GNA14: variants seen among roughly 807,000 people sequenced by gnomAD.
The protein encoded by GNA14 is guanine nucleotide-binding protein subunit alpha-14.
In GNA14, 50 loss-of-function variants were observed where a neutral mutation model predicts 42.0. That is an observed-to-expected ratio of 1.19 (90% confidence interval 0.95 to 1.51). The LOEUF is 1.51. GNA14 is among the 40% of genes most tolerant of loss of function. The probability of loss-of-function intolerance (pLI) is 0.00; values close to 1 mark genes in which losing one functional copy is unlikely to be tolerated. For synonymous variants in GNA14, 173 were observed against 163.1 expected (o/e 1.06, Z -0.46); for missense variants, 473 against 446.2 (o/e 1.06, Z -0.54).
intron 1 of GNA14, among the ~76,000 whole-genome samples, chr9:77,634,850 A>C (rs143755394): frequency 4.1e-4 from 62 of 152,338 alleles, no homozygotes; most frequent in African/African-American, 1.5e-3. Flanking sequence ...TTCTGCACTT[A>C]GCATTGTGGG....
At chr9:77,530,282 T>TAAAAGTGTA (rs1465287064) in intron 1 of GNA14, among the ~76,000 whole-genome samples, 1 of 152,122 alleles carries the variant, frequency 6.6e-6, no homozygotes, top group African/African-American at 2.4e-5. Context: ...TCTGGTTGTT[T>TAAAAGTGTA]AAAAGTGTAT....
intron 2 of GNA14, among the ~76,000 whole-genome samples, chr9:77,514,067 A>G (rs1837211617): frequency 6.6e-6 from 1 of 152,144 alleles, no homozygotes; most frequent in Non-Finnish European, 1.5e-5. Flanking sequence ...AGCTCAACAA[A>G]CACATCCCAA....
chr9:77,634,000 G>T (rs1307338567), intron 1 of GNA14, among the ~76,000 whole-genome samples: 2 of 152,124 alleles, frequency 1.3e-5, no homozygotes, highest in Admixed American at 1.3e-4. Context: ...AATAAAAAAA[G>T]ACTCGATTCT....
At chr9:77,436,252 C>T (rs929182693) in intron 2 of GNA14, among the ~76,000 whole-genome samples, 8 of 152,070 alleles carry the variant, frequency 5.3e-5, no homozygotes, top group Non-Finnish European at 7.4e-5. Context: ...CTGGAAAGTG[C>T]GCTGGCCTGG....
chr9:77,469,604 G>C (rs374752529), intron 2 of GNA14, among the ~76,000 whole-genome samples: 1 of 151,208 alleles, frequency 6.6e-6, no homozygotes, highest in Non-Finnish European at 1.5e-5. Flanking sequence ...TAACTTCCCA[G>C]AAGTTCTTAA....
At chr9:77,525,695 C>T (rs908479225) in intron 2 of GNA14, among the ~76,000 whole-genome samples, 2 of 151,808 alleles carry the variant, frequency 1.3e-5, no homozygotes, top group Admixed American at 6.6e-5. Context: ...CCCGCCAACA[C>T]GCCCGGCTAA....
At chr9:77,550,997 G>A (rs951372771) in intron 1 of GNA14, among the ~76,000 whole-genome samples, 1 of 152,148 alleles carries the variant, frequency 6.6e-6, no homozygotes, top group African/African-American at 2.4e-5. Flanking sequence ...TGATTTTCCT[G>A]ATGAGGAATA....
intron 1 of GNA14, among the ~76,000 whole-genome samples, chr9:77,569,986 C>T (rs575727722): frequency 3.7e-4 from 56 of 151,982 alleles, no homozygotes; most frequent in Non-Finnish European, 7.1e-4. Context: ...AGTCTGATCT[C>T]GAACTCTTGA....
chr9:77,558,968 T>TGC lies in GNA14; in HGVS notation c.125-29716_125-29715insGC, dbSNP rs1564053520. Among the ~76,000 whole-genome samples the TGC allele has an allele frequency of 3.3e-5, 5 of 150,986 alleles. 1 individual carries two copies. The highest frequency in any genetic ancestry group is 7.4e-5 in the Non-Finnish European group (5 of 67,706). Reference sequence around the variant, plus strand: ...AAAAACAAACAAACAAAAAACCTCCTCCTGAGAACCTAAGCAGGATGGGGC... The same window carrying TGC: ...AAAAACAAACAAACAAAAAACCTCCTGCCCTGAGAACCTAAGCAGGATGGGGC... On this transcript the variant is annotated intron_variant, in intron 1 of 6. Coordinates refer to ENST00000341700, the MANE Select transcript of GNA14 (RefSeq NM_004297.4).
chr9:77,488,784 T>A (rs1296139723), intron 2 of GNA14, among the ~76,000 whole-genome samples: 27 of 53,686 alleles, frequency 5.0e-4, no homozygotes, highest in Admixed American at 9.5e-4. Context: ...CACACCTAAT[T>A]AAAAAAAAAA....
rs150750066 is a variant in GNA14 at position 77,424,113 on chromosome 9, G to C, written c.934C>G (p.Gln312Glu). 10 of 1,612,828 alleles carry C rather than the reference G, an allele frequency of 6.2e-6. No individual in the cohort carries two copies. The highest frequency in any genetic ancestry group is 1.7e-5 in the Admixed American group (1 of 59,906). Residue 312 changes from glutamine to glutamate, a missense_variant, in exon 7 of 7, where the codon CAG (glutamine) becomes GAG (glutamate). Coordinates refer to ENST00000341700, the MANE Select transcript of GNA14 (RefSeq NM_004297.4). ...ATGACTTTCTCTTTGTCAGGATTCTGATCTTGGTAAAGCTTCAGGATAAAG... is the reference window on the plus strand; with the variant it reads ...ATGACTTTCTCTTTGTCAGGATTCTCATCTTGGTAAAGCTTCAGGATAAAG... Reference protein sequence around the residue: ...RDFILKLYQDQNPDKEKVIYS... With the variant: ...RDFILKLYQDENPDKEKVIYS...
At chr9:77,612,402 A>C (rs1823748586) in intron 1 of GNA14, among the ~76,000 whole-genome samples, 1 of 152,198 alleles carries the variant, frequency 6.6e-6, no homozygotes, top group African/African-American at 2.4e-5. Context: ...CTGCAGGGAA[A>C]GTAGCTCCAA....
intron 1 of GNA14, among the ~76,000 whole-genome samples, chr9:77,611,965 C>G (rs3905109): frequency 0.012 from 1,777 of 152,084 alleles, 38 homozygotes; most frequent in African/African-American, 0.041. Context: ...GACCCAAAAG[C>G]AATGCACAAT....
intron 1 of GNA14, among the ~76,000 whole-genome samples, chr9:77,602,643 C>T (rs967477067): frequency 1.3e-4 from 20 of 152,130 alleles, no homozygotes; most frequent in African/African-American, 4.8e-4. Context: ...TACAAAGCAA[C>T]CTTGTTCCTC....
chr9:77,478,911 T>C (rs1353977162), intron 2 of GNA14, among the ~76,000 whole-genome samples: 1 of 152,220 alleles, frequency 6.6e-6, no homozygotes, highest in East Asian at 1.9e-4. Context: ...GAGTTCATTG[T>C]AGATTCTGGA....
chr9:77,518,459 A>G (rs1181445808), intron 2 of GNA14, among the ~76,000 whole-genome samples: 1 of 152,068 alleles, frequency 6.6e-6, no homozygotes, highest in Admixed American at 6.6e-5. Flanking sequence ...GCAGAGATAC[A>G]GTGGGTGGGA....
chr9:77,460,941 G>A (rs1432808172), intron 2 of GNA14, among the ~76,000 whole-genome samples: 1 of 152,202 alleles, frequency 6.6e-6, no homozygotes, highest in East Asian at 1.9e-4. Flanking sequence ...TCAACCCAGT[G>A]GGATCACAGA....
chr9:77,478,034 T>TC (rs1276663740), intron 2 of GNA14, among the ~76,000 whole-genome samples: 1 of 151,534 alleles, frequency 6.6e-6, no homozygotes, highest in African/African-American at 2.4e-5. Context: ...AGGTGTCTTT[T>TC]TTTTTTTTAA....
rs941616416 is a variant in GNA14 at position 77,437,671 on chromosome 9, A to G, written c.310-3149T>C. ...GAAGGAAAGAAAGAAAGAAACTTAT[A>G]AAGAGTCAGTGAGTAATGCACCACA... is the stretch of plus-strand genomic sequence containing the variant. On this transcript the variant is annotated intron_variant, in intron 2 of 6. Transcript: ENST00000341700. Among the ~76,000 whole-genome samples the G allele has an allele frequency of 5.9e-5, 9 of 152,104 alleles. 1 individual carries two copies.
Sources: gnomAD v4.1 joint callset for allele counts (sites outside exome capture counted in the v4.1 genomes callset) on GRCh38, gnomAD v4.1.1 for gene constraint, MANE v1.5 for transcripts, NCBI Gene and HGNC (gene_info 2026-07-23, HGNC 2026-07-21) for gene names.